APBA2: variants seen among roughly 807,000 people sequenced by gnomAD.
APBA2 encodes amyloid beta precursor protein binding family A member 2, also known as amyloid-beta A4 precursor protein-binding family A member 2.
Under a neutral mutation model 75.0 loss-of-function variants are expected in APBA2, and 30 were observed. That is an observed-to-expected ratio of 0.40 (90% CI 0.30 to 0.54). The LOEUF is 0.54. APBA2 is among the 20% of genes least tolerant of loss of function. The pLI, the probability that APBA2 is intolerant of heterozygous loss-of-function variation, is 0.49. For missense variants in APBA2, 801 were observed against 1,016.1 expected (o/e 0.79, Z 2.88); for synonymous variants, 444 against 409.6 (o/e 1.08, Z -1.01).
chr15:28,904,097 A>C (rs2033015456), intron 1 of APBA2, among the ~76,000 whole-genome samples: 1 of 152,222 alleles, frequency 6.6e-6, no homozygotes, highest in African/African-American at 2.4e-5. Context: ...TTTATTTAAA[A>C]AACATTATTT....
chr15:29,057,096 T>A (rs888313358), intron 4 of APBA2, among the ~76,000 whole-genome samples: 4 of 152,116 alleles, frequency 2.6e-5, no homozygotes, highest in Non-Finnish European at 5.9e-5. Flanking sequence ...CTGATCCCAG[T>A]GCTGTCCACA....
chr15:28,950,696 G>A lies in APBA2; in HGVS notation c.-95+28947G>A, dbSNP rs759262579. On this transcript the variant is annotated intron_variant, in intron 2 of 14. Transcript: ENST00000683413. ...CCATAGTCCTCCCTGGAAGGAGGTC[G>A]ATGTGCAGAGCCCATGCTTAAGGAA... is the stretch of plus-strand genomic sequence containing the variant. 3.3e-5 allele frequency among the ~76,000 whole-genome samples: 5 copies of A among 152,032 alleles called. No homozygotes were observed. In the South Asian group the frequency reaches 6.2e-4, roughly 19 times the overall value.
intron 1 of APBA2, chr15:28,893,759 C>T (rs1286031809): frequency 6.6e-6 from 1 of 152,216 alleles, no homozygotes; most frequent in Non-Finnish European, 1.5e-5. Context: ...GCTTTGAGAG[C>T]AGAAGCCCCT....
intron 2 of APBA2, among the ~76,000 whole-genome samples, chr15:28,975,077 T>G (rs1420289388): frequency 6.6e-6 from 1 of 151,930 alleles, no homozygotes; most frequent in African/African-American, 2.4e-5. Flanking sequence ...CAGAGCATAT[T>G]TAAAAAAATC....
intron 13 of APBA2, among the ~76,000 whole-genome samples, chr15:29,112,962 G>A (rs544623219): frequency 5.9e-5 from 9 of 152,142 alleles, no homozygotes; most frequent in East Asian, 1.9e-4. Context: ...GTGTTTGTTC[G>A]TGTGCCTGGC....
intron 1 of APBA2, among the ~76,000 whole-genome samples, chr15:28,909,638 A>ATGCTGGGCACAGG (rs375611530): frequency 5.9e-5 from 9 of 152,022 alleles, no homozygotes; most frequent in Admixed American, 2.6e-4. Context: ...ATCGAGCTGG[A>ATGCTGGGCACAGG]TGCTGGGCAC....
At chr15:28,966,017 T>A (rs2036718463) in intron 2 of APBA2, among the ~76,000 whole-genome samples, 1 of 151,958 alleles carries the variant, frequency 6.6e-6, no homozygotes, top group Non-Finnish European at 1.5e-5. Context: ...TTCCTGTAGT[T>A]TTTTTGTCAT....
At chr15:29,114,672 TAA>T (rs1307551051) in intron 14 of APBA2, among the ~76,000 whole-genome samples, 1 of 149,616 alleles carries the variant, frequency 6.7e-6, no homozygotes, top group Non-Finnish European at 1.5e-5. Context: ...TGAGTGTGGG[TAA>T]GTGTGGGTAG....
At chr15:28,981,991 G>A (rs1352744098) in intron 2 of APBA2, among the ~76,000 whole-genome samples, 1 of 152,128 alleles carries the variant, frequency 6.6e-6, no homozygotes, top group Non-Finnish European at 1.5e-5. Flanking sequence ...AGACACCAAG[G>A]ACTACTAGAG....
intron 3 of APBA2, among the ~76,000 whole-genome samples, chr15:29,020,276 T>C (rs2039884977): frequency 7.7e-6 from 1 of 130,580 alleles, no homozygotes; most frequent in Non-Finnish European, 1.5e-5. Context: ...GTCTTCTGTT[T>C]TAGGTGTTTT....
intron 1 of APBA2, among the ~76,000 whole-genome samples, chr15:28,910,645 T>C (rs544611192): frequency 6.6e-6 from 1 of 152,292 alleles, no homozygotes; most frequent in Non-Finnish European, 1.5e-5. Flanking sequence ...CTCCCACCGT[T>C]CTCTTTTAAC....
chr15:29,018,293 T>G (rs139586002), intron 3 of APBA2, among the ~76,000 whole-genome samples: 1 of 152,332 alleles, frequency 6.6e-6, no homozygotes, highest in Non-Finnish European at 1.5e-5. Context: ...TCTGGAGAGT[T>G]GGTATAATTA....
chr15:29,107,880 C>A (rs2044511955), intron 12 of APBA2, among the ~76,000 whole-genome samples: 1 of 152,192 alleles, frequency 6.6e-6, no homozygotes, highest in East Asian at 1.9e-4. Context: ...CCACATCCTT[C>A]CGTAGGAAGC....
chr15:28,926,204 A>C (rs1488831888), intron 2 of APBA2, among the ~76,000 whole-genome samples: 3 of 152,158 alleles, frequency 2.0e-5, no homozygotes, highest in East Asian at 3.8e-4. Context: ...GATTAATATC[A>C]AACTTTTTAG....
At chr15:28,903,678 A>G (rs766066985) in intron 1 of APBA2, among the ~76,000 whole-genome samples, 1 of 152,174 alleles carries the variant, frequency 6.6e-6, no homozygotes, top group African/African-American at 2.4e-5. Context: ...CTGGGACCCC[A>G]CTGCCTCCCT....
rs747005541 is a variant in APBA2 at position 28,951,635 on chromosome 15, A to T, written c.-95+29886A>T. On this transcript the variant is annotated intron_variant, in intron 2 of 14. Transcript: ENST00000683413. ...AAGCCTTGCTCTGTTGCCAGGCTGG[A>T]GTGCAGTGGCACGATCTCCACTCAC... 4.5e-4 allele frequency among the ~76,000 whole-genome samples: 69 copies of T among 151,986 alleles called. 1 individual carries two copies. Among genetic ancestry groups the T allele is most frequent in the Non-Finnish European group, 8.2e-4 (56 of 67,978 alleles).
At chr15:28,920,335 G>A (rs988545664) in intron 1 of APBA2, among the ~76,000 whole-genome samples, 3 of 152,234 alleles carry the variant, frequency 2.0e-5, no homozygotes, top group African/African-American at 7.2e-5. Context: ...AGGGATTTGG[G>A]GTGTGATGGG....
At chr15:29,007,544 C>G (rs1478642579) in intron 3 of APBA2, among the ~76,000 whole-genome samples, 1 of 152,162 alleles carries the variant, frequency 6.6e-6, no homozygotes, top group Non-Finnish European at 1.5e-5. Context: ...AAAGAAGCCA[C>G]CTGATTAACA....
intron 6 of APBA2, among the ~76,000 whole-genome samples, chr15:29,089,420 G>A (rs1014955289): frequency 2.0e-5 from 3 of 152,274 alleles, no homozygotes; most frequent in Non-Finnish European, 4.4e-5. Context: ...AGAGAGCAGC[G>A]GGCCTTGTGG....
Sources: gnomAD v4.1 joint callset for allele counts (sites outside exome capture counted in the v4.1 genomes callset) on GRCh38, gnomAD v4.1.1 for gene constraint, MANE v1.5 for transcripts, NCBI Gene and HGNC (gene_info 2026-07-23, HGNC 2026-07-21) for gene names.